EIF3H: variants seen among roughly 807,000 people sequenced by gnomAD.
EIF3H encodes the protein eIF-3-gamma.
Under a neutral mutation model 44.2 loss-of-function variants are expected in EIF3H, and 26 were observed. That is an observed-to-expected ratio of 0.59 (90% CI 0.43 to 0.82). The LOEUF (loss-of-function observed/expected upper bound fraction) is 0.82, where lower values mean the gene tolerates loss of function less well. Among genes scored for constraint, EIF3H ranks in the 40% least tolerant of loss-of-function variants. The pLI is 0.00. For missense variants in EIF3H, 359 were observed against 432.8 expected (o/e 0.83, Z 1.51); for synonymous variants, 166 against 151.9 (o/e 1.09, Z -0.68).
chr8:116,682,798 T>C (rs768951881), intron 2 of EIF3H, among the ~76,000 whole-genome samples: 7 of 152,192 alleles, frequency 4.6e-5, no homozygotes, highest in Non-Finnish European at 1.0e-4. Context: ...AACAACCTAA[T>C]CAAGAGAATA....
intron 2 of EIF3H, among the ~76,000 whole-genome samples, chr8:116,715,298 AAAAC>A (rs1814643658): frequency 6.6e-6 from 1 of 152,032 alleles, no homozygotes; most frequent in Admixed American, 6.6e-5. Context: ...GATTAATACA[AAAAC>A]AAATAATTTT....
Sources: gnomAD v4.1 joint callset for allele counts (sites outside exome capture counted in the v4.1 genomes callset) on GRCh38, gnomAD v4.1.1 for gene constraint, MANE v1.5 for transcripts, NCBI Gene and HGNC (gene_info 2026-07-23, HGNC 2026-07-21) for gene names.